Variants in ANO7 observed in about 807,000 individuals in gnomAD.
ANO7 encodes the protein anoctamin 7.
Under a neutral mutation model 115.8 loss-of-function variants are expected in ANO7, and 114 were observed. The observed-to-expected ratio is 0.98, with a 90% CI of 0.85 to 1.15. The LOEUF is 1.15. Ranked by LOEUF, ANO7 falls within the 50% of genes most tolerant of loss-of-function variation. The pLI is 0.00. For missense variants in ANO7, 1,302 were observed against 1,201.2 expected (o/e 1.08, Z -1.24); for synonymous variants, 550 against 498.2 (o/e 1.10, Z -1.38).
At chr2:241,215,255 A>G (rs1247985826) in intron 18 of ANO7, among the ~76,000 whole-genome samples, 1 of 152,220 alleles carries the variant, frequency 6.6e-6, no homozygotes, top group Non-Finnish European at 1.5e-5. Flanking sequence ...TGGCATCCCC[A>G]GGCCCCAACG....
the ANO7 span, among the ~76,000 whole-genome samples, chr2:241,238,991 AT>A: frequency 6.6e-6 from 1 of 152,130 alleles, no homozygotes; most frequent in Admixed American, 6.5e-5. The surrounding 1 kb of genome is among the most constrained non-coding windows in gnomAD (Gnocchi z 4.9). Context: ...CTCCTCTGAA[AT>A]GTGTCCCAGA....
intron 3 of ANO7, among the ~76,000 whole-genome samples, chr2:241,194,605 ACCAAAC>A (rs1203145287): frequency 6.6e-6 from 1 of 152,272 alleles, no homozygotes; most frequent in Non-Finnish European, 1.5e-5. Context: ...GGCGTGAGCC[ACCAAAC>A]CCAGCCACAA....
At chr2:241,232,632 A>G in the ANO7 span, among the ~76,000 whole-genome samples, 1 of 152,132 alleles carries the variant, frequency 6.6e-6, no homozygotes, top group African/African-American at 2.4e-5. Flanking sequence ...ATAAAAGGCA[A>G]TAAGGGTGAG....
At chr2:241,189,416 G>T (rs1372532067) in intron 1 of ANO7, among the ~76,000 whole-genome samples, 1 of 152,134 alleles carries the variant, frequency 6.6e-6, no homozygotes, top group African/African-American at 2.4e-5. Context: ...CTCCTTCCAG[G>T]GCCACAGATG....
At chr2:241,231,108 G>C in the ANO7 span, 1 of 631,604 alleles carries the variant, frequency 1.6e-6, no homozygotes, top group Non-Finnish European at 2.7e-6. Context: ...CTCAGGGCCG[G>C]GCACGGTGGC....
chr2:241,233,806 A>G, the ANO7 span: 1 of 1,614,022 alleles, frequency 6.2e-7, no homozygotes, highest in South Asian at 1.1e-5. The surrounding 1 kb of genome is among the most constrained non-coding windows in gnomAD (Gnocchi z 4.3). Context: ...ACACGCTCCA[A>G]CCGAGGCTCT....
At chr2:241,240,249 C>G in the ANO7 span, 1 of 861,752 alleles carries the variant, frequency 1.2e-6, no homozygotes, top group Non-Finnish European at 1.9e-6. The surrounding 1 kb of genome is among the most constrained non-coding windows in gnomAD (Gnocchi z 5.5). Flanking sequence ...CCTGATGTTG[C>G]ACCAATACCC....
At position 241,200,124 on chromosome 2, in the gene ANO7, C is replaced by G. The variant is rs577827580; in HGVS notation, c.453C>G (p.Gly151=). ...ACCAGGCCTCCAACTGGTCGGCCGG[C>G]CTGCTGGCATGGCTGGGCATCCCCA... The part of the protein sequence containing the change: ...LPNQASNWSA[G]LLAWLGIPNV... The change falls in exon 6 of 25, where the codon GGC becomes GGG. Residue 151 remains glycine, a synonymous_variant. Transcript: ENST00000674324. 1.2e-6 allele frequency: 2 copies of G among 1,613,186 alleles called. No homozygotes were observed. The highest frequency in any genetic ancestry group is 1.1e-5 in the South Asian group (1 of 91,064).
Position 241,224,471 on chromosome 2 carries a change from T to G in ANO7, c.*318T>G. 2.6e-6 allele frequency: 1 copy of G among 385,230 alleles called. No homozygotes were observed. The highest frequency in any genetic ancestry group is 4.8e-6 in the Non-Finnish European group (1 of 207,316). The allele number at this position is 385,230 out of a possible 1,614,324, so 23.9% of individuals were successfully genotyped here. Reference sequence around the variant, plus strand: ...CTCCCCAGGCCCCTGGACACGACAGTTCTCCTCAGGCAGGTGGGCTTTGTG... The same window carrying G: ...CTCCCCAGGCCCCTGGACACGACAGGTCTCCTCAGGCAGGTGGGCTTTGTG... On this transcript the variant is annotated 3_prime_UTR_variant, in exon 25 of 25. Coordinates refer to ENST00000674324, the MANE Select transcript of ANO7 (RefSeq NM_001370694.2).
rs1458675991 is a variant in ANO7 at position 241,210,582 on chromosome 2, G to C, written c.1561+12G>C. On this transcript the variant is annotated intron_variant, in intron 15 of 24. Transcript: ENST00000674324. ...CCTGACACGATGGGGTGAGTGGGCT[G>C]AGGCCGGCCAGGCACTGACCAGGGG... is the stretch of plus-strand genomic sequence containing the variant. 1 of 1,611,862 alleles carries C rather than the reference G, an allele frequency of 6.2e-7. No individual in the cohort carries two copies. The highest frequency in any genetic ancestry group is 8.5e-7 in the Non-Finnish European group (1 of 1,178,780).
rs539564919 is a variant in ANO7, at chr2:241,223,113, G to C, written c.2322-73G>C. ...GAAATGGTGGAAAAAGGGGAGATAGGCTAATTCCAGAGGCACCTGCCCAGC... is the reference window on the plus strand; with the variant it reads ...GAAATGGTGGAAAAAGGGGAGATAGCCTAATTCCAGAGGCACCTGCCCAGC... On this transcript the variant is annotated intron_variant, in intron 21 of 24. Coordinates refer to ENST00000674324, the MANE Select transcript of ANO7 (RefSeq NM_001370694.2). 68 of 1,353,976 alleles carry C rather than the reference G, an allele frequency of 5.0e-5. 1 individual carries two copies. In the Admixed American group the frequency reaches 1.2e-3, roughly 24 times the overall value. The allele number at this position is 1,353,976 out of a possible 1,614,324, so 83.9% of individuals were successfully genotyped here.
At chr2:241,236,492 G>C in the ANO7 span, 3 of 967,370 alleles carry the variant, frequency 3.1e-6, no homozygotes, top group South Asian at 4.4e-5. Context: ...GTAGGAGCAA[G>C]AGGGCTACCT....
the ANO7 span, chr2:241,240,132 C>T: frequency 6.2e-7 from 1 of 1,613,858 alleles, no homozygotes; most frequent in Non-Finnish European, 8.5e-7. The surrounding 1 kb of genome is among the most constrained non-coding windows in gnomAD (Gnocchi z 5.5). Flanking sequence ...GCTGCAGAAA[C>T]CAATCCCACT....
chr2:241,195,947 G>C (rs749454255), intron 4 of ANO7, 102 bp downstream of exon 4: 92 of 1,603,716 alleles, frequency 5.7e-5, no homozygotes, highest in Non-Finnish European at 7.7e-5. Flanking sequence ...CAGAGTCCCA[G>C]AGCAGATCAG....
intron 15 of ANO7, among the ~76,000 whole-genome samples, chr2:241,211,258 G>C (rs2068713442): frequency 6.6e-6 from 1 of 152,208 alleles, no homozygotes. Flanking sequence ...CCTCTGTTGG[G>C]TGGTGTGGGG....
At position 241,203,622 on chromosome 2, in the gene ANO7, C is replaced by A; in HGVS notation, c.889+124C>A. 1.4e-6 allele frequency: 1 copy of A among 694,372 alleles called. No homozygotes were observed. Among genetic ancestry groups the A allele is most frequent in the Non-Finnish European group, 2.2e-6 (1 of 447,732 alleles). 43.0% of individuals were successfully genotyped at this position (694,372 alleles called of 1,614,324 possible). ...GTGGGGGCCTGGACGGTGGGCGCAG[C>A]TCTTGGCTCGACCGGGCTGCCCTCC... On this transcript the variant is annotated intron_variant, in intron 9 of 24. Transcript: ENST00000674324. The surrounding 1 kb of genome is among the most constrained non-coding windows in gnomAD (Gnocchi z 4.8).
At chr2:241,209,240 C>A (rs373229767) in intron 11 of ANO7, 45 bp from the exon 12 acceptor site, 2 of 1,524,576 alleles carry the variant, frequency 1.3e-6, no homozygotes, top group Non-Finnish European at 1.8e-6. Flanking sequence ...GAACAAGGGG[C>A]CTCCAGTCCC....
At chr2:241,229,734 C>T (rs761175796), downstream of ANO7, 35 of 1,611,098 alleles carry the variant, frequency 2.2e-5, no homozygotes, top group Middle Eastern at 1.6e-4. Context: ...CTCCCCAACT[C>T]GCAAGCAGCT....
At chr2:241,223,544 C>A in intron 22 of ANO7, 118 bp from the exon 23 acceptor site, 1 of 1,484,376 alleles carries the variant, frequency 6.7e-7, no homozygotes. Context: ...TTTTCCTGCA[C>A]AGCTGCTTTC....
Sources: gnomAD v4.1 joint callset for allele counts (sites outside exome capture counted in the v4.1 genomes callset) on GRCh38, gnomAD v4.1.1 for gene constraint, Gnocchi (gnomAD v3.1) non-coding constraint, MANE v1.5 for transcripts, NCBI Gene and HGNC (gene_info 2026-07-23, HGNC 2026-07-21) for gene names.